REEP1: variants seen among roughly 807,000 people sequenced by gnomAD.
REEP1 encodes the protein receptor expression-enhancing protein 1.
Under a neutral mutation model 40.3 loss-of-function variants are expected in REEP1, and 22 were observed. The observed-to-expected ratio is 0.55, with a 90% CI of 0.39 to 0.78. The LOEUF (loss-of-function observed/expected upper bound fraction) is 0.78, where lower values mean the gene tolerates loss of function less well. Ranked by LOEUF, REEP1 falls within the 30% of genes least tolerant of loss-of-function variation. The pLI is 0.00. For missense variants in REEP1, 280 were observed against 361.1 expected (o/e 0.78, Z 1.82); for synonymous variants, 116 against 139.2 (o/e 0.83, Z 1.17).
chr2:86,299,602 T>G (rs547972058), intron 1 of REEP1, among the ~76,000 whole-genome samples: 1 of 152,186 alleles, frequency 6.6e-6, no homozygotes, highest in African/African-American at 2.4e-5. Flanking sequence ...TGTGGTTATA[T>G]CATACCTTCC....
At chr2:86,261,237 C>T (rs1399580799) in intron 3 of REEP1, among the ~76,000 whole-genome samples, 1 of 152,138 alleles carries the variant, frequency 6.6e-6, no homozygotes, top group Admixed American at 6.6e-5. Context: ...ATTTAATTGA[C>T]TACACAGTCT....
chr2:86,244,472 A>G (rs1197149842), intron 5 of REEP1, among the ~76,000 whole-genome samples: 1 of 152,228 alleles, frequency 6.6e-6, no homozygotes, highest in African/African-American at 2.4e-5. Flanking sequence ...ACGCTTGGCT[A>G]TCGCCTGTTG....
At chr2:86,251,076 A>G (rs1021087663) in intron 5 of REEP1, among the ~76,000 whole-genome samples, 1 of 152,108 alleles carries the variant, frequency 6.6e-6, no homozygotes, top group Non-Finnish European at 1.5e-5. Flanking sequence ...TGTCTTTCCA[A>G]TCATCAGCAT....
chr2:86,295,740 C>T (rs567170398), intron 1 of REEP1, among the ~76,000 whole-genome samples: 5 of 152,272 alleles, frequency 3.3e-5, no homozygotes, highest in South Asian at 4.1e-4. Context: ...GGGGTTTCAC[C>T]GTGTTAGCCA....
At chr2:86,226,112 C>CACCACCACCACA (rs1475307894) in intron 7 of REEP1, among the ~76,000 whole-genome samples, 1 of 136,614 alleles carries the variant, frequency 7.3e-6, no homozygotes, top group Non-Finnish European at 1.5e-5. Flanking sequence ...CCACCACCAC[C>CACCACCACCACA]ACCATCATCA....
At chr2:86,286,138 C>T (rs139213882) in intron 1 of REEP1, among the ~76,000 whole-genome samples, 34 of 152,312 alleles carry the variant, frequency 2.2e-4, no homozygotes, top group African/African-American at 7.5e-4. Flanking sequence ...CCTCCTCTTG[C>T]TCCAAGTTAG....
intron 4 of REEP1, among the ~76,000 whole-genome samples, chr2:86,253,870 A>G (rs1482914114): frequency 6.6e-6 from 1 of 152,216 alleles, no homozygotes; most frequent in Non-Finnish European, 1.5e-5. Flanking sequence ...ACCCCACTAC[A>G]CAATCAGCTT....
At chr2:86,295,827 C>A (rs1467294237) in intron 1 of REEP1, among the ~76,000 whole-genome samples, 3 of 152,210 alleles carry the variant, frequency 2.0e-5, no homozygotes, top group Non-Finnish European at 4.4e-5. Context: ...GCGTGAGCCA[C>A]CGCGCCCAGC....
chr2:86,318,892 G>A (rs966167499), intron 1 of REEP1, among the ~76,000 whole-genome samples: 7 of 152,274 alleles, frequency 4.6e-5, no homozygotes, highest in Non-Finnish European at 7.4e-5. Flanking sequence ...AGTATTTTTC[G>A]TACTGTTCTT....
At chr2:86,254,908 C>A in intron 3 of REEP1, 94 bp from the exon 4 acceptor site, 2 of 1,416,438 alleles carry the variant, frequency 1.4e-6, no homozygotes, top group South Asian at 1.2e-5. Context: ...GGACGCCTCT[C>A]CTGCTTGCAT....
At chr2:86,239,128 C>T (rs1675527377) in intron 5 of REEP1, among the ~76,000 whole-genome samples, 1 of 147,612 alleles carries the variant, frequency 6.8e-6, no homozygotes, top group South Asian at 2.1e-4. Flanking sequence ...GTAACACCCA[C>T]AGCACTCACT....
At chr2:86,313,248 G>A (rs1288752167) in intron 1 of REEP1, among the ~76,000 whole-genome samples, 1 of 151,364 alleles carries the variant, frequency 6.6e-6, no homozygotes, top group East Asian at 1.9e-4. Context: ...ACCCTGAGTA[G>A]CTGGGACTAC....
chr2:86,262,293 T>C (rs947467735), intron 3 of REEP1, among the ~76,000 whole-genome samples: 3 of 152,138 alleles, frequency 2.0e-5, no homozygotes, highest in Non-Finnish European at 4.4e-5. Context: ...CTGTACAAAA[T>C]GGCCTGACTT....
chr2:86,263,137 T>A (rs1676951235), intron 3 of REEP1, among the ~76,000 whole-genome samples: 1 of 152,208 alleles, frequency 6.6e-6, no homozygotes, highest in African/African-American at 2.4e-5. Context: ...ATAAGCAAAG[T>A]GAGAACTCTC....
At chr2:86,266,900 AG>A (rs1677173153) in intron 2 of REEP1, among the ~76,000 whole-genome samples, 1 of 150,798 alleles carries the variant, frequency 6.6e-6, no homozygotes, top group Admixed American at 6.6e-5. Context: ...CCAGCTACTC[AG>A]GAGGCTGAGG....
intron 1 of REEP1, chr2:86,336,659 C>T (rs994853560): frequency 5.9e-5 from 9 of 152,702 alleles, no homozygotes; most frequent in Non-Finnish European, 8.8e-5. Context: ...CCTACAGGTC[C>T]TGGGGCTTGA....
chr2:86,228,551 C>T (rs534807864), intron 6 of REEP1, among the ~76,000 whole-genome samples: 2 of 151,872 alleles, frequency 1.3e-5, no homozygotes, highest in East Asian at 1.9e-4. Flanking sequence ...CTCTGCCTCC[C>T]GGGTTCAAGC....
intron 2 of REEP1, among the ~76,000 whole-genome samples, chr2:86,275,390 T>G (rs536903336): frequency 6.6e-6 from 1 of 152,218 alleles, no homozygotes; most frequent in South Asian, 2.1e-4. Context: ...GGGGCCTCAA[T>G]GATTACAGAG....
At chr2:86,337,647 C>G, upstream of REEP1, 10 of 1,048,768 alleles carry the variant, frequency 9.5e-6, no homozygotes, top group Non-Finnish European at 1.1e-5. This position sits in a 1 kb window ranked among gnomAD's most constrained non-coding sequence, Gnocchi z 5.8. Context: ...GCCGCCCTGC[C>G]CGGCGTTCGC....
Sources: allele counts gnomAD v4.1 joint callset (sites outside exome capture counted in the v4.1 genomes callset), GRCh38; gene constraint gnomAD v4.1.1; non-coding constraint Gnocchi (gnomAD v3.1); transcripts MANE v1.5; gene names NCBI Gene and HGNC (gene_info 2026-07-23, HGNC 2026-07-21).